ALG5: variants seen among roughly 807,000 people sequenced by gnomAD.
The protein encoded by ALG5 is dolichyl-phosphate beta-glucosyltransferase.
In ALG5, 26 loss-of-function variants were observed where a neutral mutation model predicts 51.8. The observed-to-expected ratio is 0.50, with a 90% confidence interval of 0.37 to 0.70. The LOEUF (loss-of-function observed/expected upper bound fraction) is 0.70. ALG5 is among the 30% of genes least tolerant of loss of function. The probability of loss-of-function intolerance (pLI) is 0.00; values close to 1 mark genes in which losing one functional copy is unlikely to be tolerated. For missense variants in ALG5, 311 were observed against 399.3 expected, an observed-to-expected ratio of 0.78 and a Z score of 1.88; for synonymous variants, 141 against 136.1, an observed-to-expected ratio of 1.04 and a Z score of -0.25.
chr13:36,990,972 T>C (rs906941796), intron 4 of ALG5, among the ~76,000 whole-genome samples: 35 of 152,230 alleles, frequency 2.3e-4, no homozygotes, highest in African/African-American at 8.4e-4. Flanking sequence ...CTTTCTAATA[T>C]GGAAATCAGT....
Position 36,999,226 on chromosome 13 carries a change from T to A in ALG5, c.66+9A>T. 1.3e-6 allele frequency: 2 copies of A among 1,571,514 alleles called. No homozygotes were observed. The highest frequency in any genetic ancestry group is 1.2e-5 in the South Asian group (1 of 86,754). ...CCCGGCCTGCGCGGGTTCCCATCCCTGTTCTCACCAGTACGAGGGCTGCGG... is the reference window on the plus strand; with the variant it reads ...CCCGGCCTGCGCGGGTTCCCATCCCAGTTCTCACCAGTACGAGGGCTGCGG... On this transcript the variant is annotated intron_variant, in intron 1 of 9. Coordinates refer to ENST00000239891, the MANE Select transcript of ALG5 (RefSeq NM_013338.5).
chr13:36,963,815 G>T (rs1424679429), intron 8 of ALG5, among the ~76,000 whole-genome samples: 1 of 152,126 alleles, frequency 6.6e-6, no homozygotes, highest in Non-Finnish European at 1.5e-5. Flanking sequence ...ATTGTAGAGA[G>T]TATAAAAATG....
chr13:36,956,957 G>C (rs2058842642), intron 8 of ALG5, among the ~76,000 whole-genome samples: 1 of 152,194 alleles, frequency 6.6e-6, no homozygotes, highest in East Asian at 1.9e-4. Flanking sequence ...GTACTAAGCA[G>C]AAGAAATAGA....
rs529702613 is a variant in ALG5 at position 36,982,150 on chromosome 13, C to T, written c.561+3477G>A. On this transcript the variant is annotated intron_variant, in intron 6 of 9. Transcript: ENST00000239891. The stretch of plus-strand genomic sequence containing the variant: ...AACCGTAAGAACTGACAGCCTAAAA[C>T]AGAGAATACACATGGAAAACAGCTT... 3.3e-5 allele frequency among the ~76,000 whole-genome samples: 5 copies of T among 152,258 alleles called. No homozygotes were observed. The South Asian group carries it at 1.0e-3, about 32-fold the overall frequency.
At chr13:36,978,671 G>A (rs566929644) in intron 6 of ALG5, among the ~76,000 whole-genome samples, 1 of 151,872 alleles carries the variant, frequency 6.6e-6, no homozygotes, top group East Asian at 2.0e-4. Context: ...CAGCATTTTG[G>A]GAGGCCCAGG....
At chr13:36,975,169 C>T (rs539275357) in intron 6 of ALG5, among the ~76,000 whole-genome samples, 1 of 152,278 alleles carries the variant, frequency 6.6e-6, no homozygotes, top group South Asian at 2.1e-4. Context: ...CAAGATTGCA[C>T]CATTGCATCC....
Position 36,979,088 on chromosome 13 carries a change from C to T in ALG5, c.561+6539G>A, listed in dbSNP as rs558021130. 2.6e-5 allele frequency among the ~76,000 whole-genome samples: 4 copies of T among 152,206 alleles called. No homozygotes were observed. In the South Asian group the frequency reaches 8.3e-4, roughly 32 times the overall value. On this transcript the variant is annotated intron_variant, in intron 6 of 9. Coordinates refer to ENST00000239891, the MANE Select transcript of ALG5 (RefSeq NM_013338.5). ...CTGGAGTGCAGTGGCACGATCTTGG[C>T]TCGCTGCAACCTCCACCTCTTGGGC...
intron 3 of ALG5, among the ~76,000 whole-genome samples, chr13:36,994,023 G>A (rs2059037508): frequency 6.6e-6 from 1 of 152,168 alleles, no homozygotes; most frequent in Admixed American, 6.5e-5. Flanking sequence ...AAGTCAGAGA[G>A]GGCAGATTCC....
intron 6 of ALG5, among the ~76,000 whole-genome samples, chr13:36,973,342 A>G (rs2058935265): frequency 6.6e-6 from 1 of 152,194 alleles, no homozygotes; most frequent in Admixed American, 6.5e-5. Flanking sequence ...ACAAAGCCAT[A>G]TGAGTACTTA....
chr13:36,954,917 G>A (rs189480487), intron 8 of ALG5, among the ~76,000 whole-genome samples: 1 of 152,212 alleles, frequency 6.6e-6, no homozygotes, highest in Admixed American at 6.5e-5. Context: ...AACAAAGATG[G>A]GAGGAAATGA....
At chr13:36,966,095 A>G (rs1303279739) in intron 7 of ALG5, among the ~76,000 whole-genome samples, 3 of 152,206 alleles carry the variant, frequency 2.0e-5, no homozygotes, top group Non-Finnish European at 2.9e-5. Context: ...GTTTCAAAAA[A>G]GCTGTCAGTT....
intron 7 of ALG5, 117 bp downstream of exon 7, chr13:36,971,860 A>G: frequency 1.5e-6 from 1 of 682,060 alleles, no homozygotes; most frequent in Middle Eastern, 2.9e-4. Flanking sequence ...TTCTTTTGAA[A>G]GGAACCTCAT....
chr13:36,962,293 T>C (rs1041153015), intron 8 of ALG5, among the ~76,000 whole-genome samples: 2 of 152,208 alleles, frequency 1.3e-5, no homozygotes, highest in African/African-American at 4.8e-5. Flanking sequence ...TTAGTCTTGA[T>C]TTAAAGTGCA....
intron 8 of ALG5, among the ~76,000 whole-genome samples, chr13:36,958,916 C>T (rs2058852885): frequency 6.6e-6 from 1 of 152,160 alleles, no homozygotes; most frequent in East Asian, 1.9e-4. Context: ...GAAGTGGCAA[C>T]CCCCTTTGGG....
At chr13:36,956,874 G>A (rs1401129078) in intron 8 of ALG5, among the ~76,000 whole-genome samples, 2 of 152,000 alleles carry the variant, frequency 1.3e-5, no homozygotes, top group East Asian at 1.9e-4. Context: ...GCTACAAGGC[G>A]GGACCCTCCA....
At chr13:36,999,130 A>G in intron 1 of ALG5, 105 bp downstream of exon 1, 1 of 1,050,594 alleles carries the variant, frequency 9.5e-7, no homozygotes, top group Non-Finnish European at 1.3e-6. Context: ...GGGAAAAGGG[A>G]CTTCTCCGAG....
Position 36,952,067 on chromosome 13 carries a change from T to C in ALG5, c.859+447A>G, listed in dbSNP as rs187931174. ...TCCGAAAGTGCTGGGATTACAGGCA[T>C]GAGGCATGGTGCTCGGCCATAAAAA... is the stretch of plus-strand genomic sequence containing the variant. On this transcript the variant is annotated intron_variant, in intron 9 of 9. Transcript: ENST00000239891. 6.1e-3 allele frequency among the ~76,000 whole-genome samples: 933 copies of C among 152,336 alleles called. 4 individuals carry two copies. Among genetic ancestry groups the C allele is most frequent in the Non-Finnish European group, 7.2e-3 (491 of 68,044 alleles).
At chr13:36,982,015 C>T (rs1280199431) in intron 6 of ALG5, among the ~76,000 whole-genome samples, 4 of 152,266 alleles carry the variant, frequency 2.6e-5, no homozygotes, top group East Asian at 1.9e-4. Flanking sequence ...GGTGTGAACC[C>T]GGGAGGCGGA....
intron 7 of ALG5, among the ~76,000 whole-genome samples, chr13:36,969,003 A>T (rs1399085824): frequency 6.6e-6 from 1 of 152,236 alleles, no homozygotes; most frequent in Non-Finnish European, 1.5e-5. Flanking sequence ...ATGGCAGCCA[A>T]TTCTGTGGGA....
Sources: gnomAD v4.1 joint callset for allele counts (sites outside exome capture counted in the v4.1 genomes callset) on GRCh38, gnomAD v4.1.1 for gene constraint, MANE v1.5 for transcripts, NCBI Gene and HGNC (gene_info 2026-07-23, HGNC 2026-07-21) for gene names.